The following ANAPC10 variants were observed in gnomAD, a reference collection of about 807,000 sequenced individuals.
ANAPC10 encodes the protein anaphase promoting complex subunit 10, also known as anaphase-promoting complex subunit 10.
A neutral mutation model predicts 22.0 loss-of-function variants in ANAPC10; 12 were observed. The ratio of observed to expected loss-of-function variants is 0.55; its 90% CI spans 0.35 to 0.88. The LOEUF is 0.88. ANAPC10 is among the 40% of genes least tolerant of loss of function. ANAPC10 has a pLI of 0.01. For missense variants in ANAPC10, 188 were observed against 220.9 expected, an observed-to-expected ratio of 0.85 and a Z score of 0.94; for synonymous variants, 65 against 69.5, an observed-to-expected ratio of 0.94 and a Z score of 0.32.
intron 4 of ANAPC10, among the ~76,000 whole-genome samples, chr4:145,010,634 G>A (rs1734153664): frequency 6.6e-6 from 1 of 151,976 alleles, no homozygotes; most frequent in African/African-American, 2.4e-5. Flanking sequence ...GAGAACACTT[G>A]GACACAGGGT....
At chr4:145,026,585 A>G (rs1736690680) in intron 4 of ANAPC10, among the ~76,000 whole-genome samples, 1 of 152,016 alleles carries the variant, frequency 6.6e-6, no homozygotes. Context: ...CCAAGAACAA[A>G]TTCTATGAAC....
intron 4 of ANAPC10, chr4:145,064,237 A>G (rs1409719062): frequency 6.1e-6 from 1 of 163,598 alleles, no homozygotes; most frequent in Non-Finnish European, 1.3e-5. Flanking sequence ...TTATTTTTAA[A>G]TGCACAAAAA....
intron 2 of ANAPC10, among the ~76,000 whole-genome samples, chr4:145,084,961 C>T (rs546166602): frequency 6.6e-6 from 1 of 152,298 alleles, no homozygotes; most frequent in East Asian, 1.9e-4. Flanking sequence ...ATATATTTCA[C>T]GTCACATATT....
At chr4:145,008,364 T>C (rs1159314568) in intron 4 of ANAPC10, among the ~76,000 whole-genome samples, 3 of 152,030 alleles carry the variant, frequency 2.0e-5, no homozygotes, top group Admixed American at 2.0e-4. Context: ...GATACCAAAG[T>C]CTGGCACAGA....
chr4:144,995,165 T>C lies in ANAPC10; in HGVS notation c.*208A>G. The C allele has an allele frequency of 2.9e-6, 1 of 340,242 alleles. No homozygotes were observed. Among genetic ancestry groups the C allele is most frequent in the Non-Finnish European group, 5.3e-6 (1 of 189,322 alleles). The allele number at this position is 340,242 out of a possible 1,614,324, so 21.1% of individuals were successfully genotyped here. On this transcript the variant is annotated 3_prime_UTR_variant, in exon 5 of 5. Coordinates refer to ENST00000507656, the MANE Select transcript of ANAPC10 (RefSeq NM_001256706.2). ...TGATTGGCTTCAAATCCATTTTTAGTAATGTAAAATATGTGAGCTTTATTA... is the reference window on the plus strand; with the variant it reads ...TGATTGGCTTCAAATCCATTTTTAGCAATGTAAAATATGTGAGCTTTATTA...
rs144007984 is a variant in ANAPC10 at position 145,012,914 on chromosome 4, T to C, written c.328-17311A>G. Among the ~76,000 whole-genome samples, 55 of 152,298 alleles carry C rather than the reference T, an allele frequency of 3.6e-4. 1 individual carries two copies. In the East Asian group the frequency reaches 9.6e-3, roughly 27 times the overall value. ...GAAATGACTGGATCATGGTGATGGA[T>C]TTCCCCTTTGGTGCTGTTCTCATGA... On this transcript the variant is annotated intron_variant, in intron 4 of 4. Coordinates refer to ENST00000507656, the MANE Select transcript of ANAPC10 (RefSeq NM_001256706.2).
At chr4:145,029,045 C>T (rs1288898515) in intron 4 of ANAPC10, among the ~76,000 whole-genome samples, 7 of 152,096 alleles carry the variant, frequency 4.6e-5, no homozygotes, top group African/African-American at 1.7e-4. Context: ...CATGTACAGC[C>T]TCGCCAGGTG....
intron 4 of ANAPC10, among the ~76,000 whole-genome samples, chr4:145,022,156 G>A (rs190658701): frequency 4.5e-4 from 69 of 152,228 alleles, no homozygotes; most frequent in Non-Finnish European, 8.2e-4. Context: ...TCAATACTGG[G>A]TATCTACCCA....
At chr4:145,068,023 A>C (rs1202602049) in intron 3 of ANAPC10, among the ~76,000 whole-genome samples, 1 of 152,196 alleles carries the variant, frequency 6.6e-6, no homozygotes, top group Non-Finnish European at 1.5e-5. Context: ...ATCTTGGACC[A>C]TAAGACAACC....
intron 2 of ANAPC10, among the ~76,000 whole-genome samples, chr4:145,093,031 T>G (rs1747926935): frequency 6.6e-6 from 1 of 151,706 alleles, no homozygotes; most frequent in Non-Finnish European, 1.5e-5. Flanking sequence ...TACCTAAGAG[T>G]GTAGCTGCAC....
At chr4:145,071,311 CAGG>C (rs1206710086) in intron 3 of ANAPC10, among the ~76,000 whole-genome samples, 2 of 152,122 alleles carry the variant, frequency 1.3e-5, no homozygotes, top group African/African-American at 4.8e-5. Context: ...GAGGCTGAGG[CAGG>C]AGAATTGCTT....
intron 4 of ANAPC10, 142 bp downstream of exon 4, chr4:145,064,430 T>C: frequency 1.7e-6 from 1 of 583,690 alleles, no homozygotes; most frequent in African/African-American, 1.9e-5. Flanking sequence ...AAGAAAAAAA[T>C]TTTACACTCA....
chr4:145,077,338 C>T (rs1745342984), intron 3 of ANAPC10, among the ~76,000 whole-genome samples: 1 of 152,242 alleles, frequency 6.6e-6, no homozygotes, highest in African/African-American at 2.4e-5. Context: ...GGAGAAACAA[C>T]AAGCAAACTG....
chr4:145,012,176 GTATATATATATATATA>G (rs111592959), intron 4 of ANAPC10, among the ~76,000 whole-genome samples: 1 of 140,632 alleles, frequency 7.1e-6, no homozygotes, highest in South Asian at 2.2e-4. Flanking sequence ...GTGTGTGTGT[GTATATATATATATATA>G]TATACACACA....
chr4:145,038,264 G>A (rs755218478), intron 4 of ANAPC10, among the ~76,000 whole-genome samples: 32 of 152,132 alleles, frequency 2.1e-4, no homozygotes, highest in African/African-American at 6.0e-4. Context: ...TATAATCCTC[G>A]CACTTTGGGA....
chr4:145,078,533 T>C (rs1357861066), intron 3 of ANAPC10, among the ~76,000 whole-genome samples: 1 of 152,136 alleles, frequency 6.6e-6, no homozygotes, highest in African/African-American at 2.4e-5. Context: ...ATTCTAATAT[T>C]CATATGGAAC....
chr4:145,042,300 C>G (rs1356993572), intron 4 of ANAPC10, among the ~76,000 whole-genome samples: 1 of 152,090 alleles, frequency 6.6e-6, no homozygotes, highest in African/African-American at 2.4e-5. Context: ...TATGTAGGGT[C>G]AGTTGAAAAA....
chr4:145,016,720 A>G (rs1171724593), intron 4 of ANAPC10, among the ~76,000 whole-genome samples: 1 of 152,190 alleles, frequency 6.6e-6, no homozygotes, highest in Non-Finnish European at 1.5e-5. Flanking sequence ...ACTTCAAACT[A>G]TACTACAAGG....
chr4:145,054,152 C>T (rs1378139592), intron 4 of ANAPC10, among the ~76,000 whole-genome samples: 1 of 151,280 alleles, frequency 6.6e-6, no homozygotes, highest in Non-Finnish European at 1.5e-5. Flanking sequence ...TGTGATCTGC[C>T]CGCTGCGGCC....
Sources: gnomAD v4.1 joint callset for allele counts (sites outside exome capture counted in the v4.1 genomes callset) on GRCh38, gnomAD v4.1.1 for gene constraint, MANE v1.5 for transcripts, NCBI Gene and HGNC (gene_info 2026-07-23, HGNC 2026-07-21) for gene names.